The following DLC1 variants were observed in gnomAD, a reference collection of about 807,000 sequenced individuals.
The protein encoded by DLC1 is DLC1 Rho GTPase activating protein.
Under a neutral mutation model 140.3 loss-of-function variants are expected in DLC1, and 54 were observed. The observed-to-expected ratio is 0.38, with a 90% CI of 0.31 to 0.48. DLC1 has a LOEUF of 0.48. Among genes scored for constraint, DLC1 ranks in the 20% least tolerant of loss-of-function variants. The probability of loss-of-function intolerance (pLI) is 0.96; values close to 1 mark genes in which losing one functional copy is unlikely to be tolerated. For missense variants in DLC1, 2,536 were observed against 1,907.0 expected (o/e 1.33, Z -6.14); for synonymous variants, 986 against 728.1 (o/e 1.35, Z -5.70).
chr8:13,502,781 A>G (rs1187889855), intron 1 of DLC1, among the ~76,000 whole-genome samples: 1 of 152,190 alleles, frequency 6.6e-6, no homozygotes, highest in East Asian at 1.9e-4. Context: ...TTGTAATCCT[A>G]TTCATGCAGT....
chr8:13,584,605 C>T (rs906360323), intron 1 of DLC1: 4 of 152,170 alleles, frequency 2.6e-5, no homozygotes, highest in Admixed American at 2.6e-4. Context: ...AAGATTTACC[C>T]TTCAAGCTGG....
intron 1 of DLC1, chr8:13,567,385 T>G: frequency 6.4e-7 from 1 of 1,551,580 alleles, no homozygotes; most frequent in Non-Finnish European, 8.7e-7. Flanking sequence ...GAAGATAAAT[T>G]TGATTCATCG....
chr8:13,141,736 TAGTC>T (rs1433018452), intron 5 of DLC1, among the ~76,000 whole-genome samples: 1 of 152,206 alleles, frequency 6.6e-6, no homozygotes, highest in Non-Finnish European at 1.5e-5. Flanking sequence ...CTTACTTTAA[TAGTC>T]AGCAGGAGAA....
intron 5 of DLC1, among the ~76,000 whole-genome samples, chr8:13,128,166 C>G (rs762859279): frequency 2.0e-5 from 3 of 152,128 alleles, no homozygotes; most frequent in Non-Finnish European, 4.4e-5. Context: ...CTTTTTGGTG[C>G]TCAAAACTTT....
intron 4 of DLC1, among the ~76,000 whole-genome samples, chr8:13,326,478 C>G (rs1236089576): frequency 1.3e-5 from 2 of 152,172 alleles, no homozygotes; most frequent in African/African-American, 2.4e-5. Context: ...AGTCTTGCCA[C>G]TCATAACCCA....
chr8:13,236,799 A>G (rs1032197635), intron 5 of DLC1, among the ~76,000 whole-genome samples: 2 of 152,100 alleles, frequency 1.3e-5, no homozygotes, highest in Non-Finnish European at 2.9e-5. Context: ...GTTCATATCC[A>G]TCTAAAAGGG....
At chr8:13,444,096 A>G (rs1302605972) in intron 2 of DLC1, among the ~76,000 whole-genome samples, 1 of 136,482 alleles carries the variant, frequency 7.3e-6, no homozygotes, top group Non-Finnish European at 1.6e-5. Flanking sequence ...GGATAAGTTT[A>G]GAATTCCTGG....
rs1837089377 is a variant in DLC1 at position 13,397,206 on chromosome 8, A to C, written c.1174-3513T>G. ...ACCACAAGAAAAGGTCTCACTGCTG[A>C]CCCTCAATATAGAGAAGGGAATGGA... On this transcript the variant is annotated intron_variant, in intron 3 of 17. Coordinates refer to ENST00000276297, the MANE Select transcript of DLC1 (RefSeq NM_182643.3). Among the ~76,000 whole-genome samples the C allele has an allele frequency of 1.3e-5, 2 of 152,108 alleles. 1 individual carries two copies. The highest frequency in any genetic ancestry group is 4.1e-4 in the South Asian group (2 of 4,828).
chr8:13,354,001 C>T (rs1460665544), intron 4 of DLC1, among the ~76,000 whole-genome samples: 1 of 151,838 alleles, frequency 6.6e-6, no homozygotes, highest in Non-Finnish European at 1.5e-5. Context: ...ACTTTCTTCA[C>T]ATTTCCACTC....
At chr8:13,451,069 G>GA (rs1260134155) in intron 2 of DLC1, among the ~76,000 whole-genome samples, 17 of 68,006 alleles carry the variant, frequency 2.5e-4, no homozygotes, top group Non-Finnish European at 5.1e-4. Context: ...AAAAAAAAAA[G>GA]AAAAAAAGAA....
chr8:13,488,411 C>T (rs1801069744), intron 2 of DLC1, among the ~76,000 whole-genome samples: 1 of 152,140 alleles, frequency 6.6e-6, no homozygotes, highest in Non-Finnish European at 1.5e-5. Flanking sequence ...GCATCATTTT[C>T]AGGACTCATT....
At chr8:13,426,492 C>A (rs1286911955) in intron 2 of DLC1, among the ~76,000 whole-genome samples, 2 of 152,122 alleles carry the variant, frequency 1.3e-5, no homozygotes. Context: ...TCAGATAAAA[C>A]CCTTGACACT....
intron 4 of DLC1, among the ~76,000 whole-genome samples, chr8:13,371,630 A>C (rs1367834644): frequency 6.6e-6 from 1 of 151,338 alleles, no homozygotes; most frequent in African/African-American, 2.4e-5. Context: ...ATTCTACATC[A>C]GGAAAGATCC....
intron 5 of DLC1, among the ~76,000 whole-genome samples, chr8:13,170,452 C>T (rs368900673): frequency 1.2e-4 from 19 of 152,218 alleles, no homozygotes; most frequent in African/African-American, 3.1e-4. Context: ...GTTTCCGGGC[C>T]GGGCGCGGTG....
chr8:13,153,615 G>A (rs1824011593), intron 5 of DLC1, among the ~76,000 whole-genome samples: 1 of 152,192 alleles, frequency 6.6e-6, no homozygotes, highest in Non-Finnish European at 1.5e-5. Flanking sequence ...TTTTGACAGG[G>A]TGCTGATTGG....
intron 4 of DLC1, among the ~76,000 whole-genome samples, chr8:13,363,367 C>T (rs78944417): frequency 0.014 from 1,534 of 111,850 alleles, 32 homozygotes; most frequent in African/African-American, 0.05. Flanking sequence ...TAAGCATTTG[C>T]AGTGTTTTTT....
At chr8:13,220,956 TGAAATGCAGCCCCACGTATGAGGGTG>T (rs1828514796) in intron 5 of DLC1, among the ~76,000 whole-genome samples, 1 of 152,138 alleles carries the variant, frequency 6.6e-6, no homozygotes, top group South Asian at 2.1e-4. Context: ...GGCAGAGTGA[TGAAATGCAGCCCCACGTATGAGGGTG>T]TTAGGTGATC....
chr8:13,574,001 A>G (rs144318829), intron 1 of DLC1, among the ~76,000 whole-genome samples: 14 of 152,260 alleles, frequency 9.2e-5, no homozygotes, highest in African/African-American at 3.1e-4. Flanking sequence ...GCTCAATGAA[A>G]CTTTCATGGA....
Position 13,499,333 on chromosome 8 carries a change from T to G in DLC1, c.739A>C (p.Arg247=). The G allele has an allele frequency of 6.2e-7, 1 of 1,614,034 alleles. No individual in the cohort carries two copies. Among genetic ancestry groups the G allele is most frequent in the Non-Finnish European group, 8.5e-7 (1 of 1,180,000 alleles). Residue 247 remains arginine, a synonymous_variant, in exon 2 of 18, where the codon AGA becomes CGA. Transcript: ENST00000276297. ...TTTTGTACTACATTGCAGGTGCTTC[T>G]TTCATTTTCATCTTTAGGGGGGTCA... is the stretch of plus-strand genomic sequence containing the variant. ...KPDPPKDENE[R]STCNVVQNEF...
Sources: gnomAD v4.1 joint callset for allele counts (sites outside exome capture counted in the v4.1 genomes callset) on GRCh38, gnomAD v4.1.1 for gene constraint, MANE v1.5 for transcripts, NCBI Gene and HGNC (gene_info 2026-07-23, HGNC 2026-07-21) for gene names.